The following CSNK1G1 variants were observed in gnomAD, a reference collection of about 807,000 sequenced individuals.
CSNK1G1 encodes the protein casein kinase I isoform gamma-1.
In CSNK1G1, 22 loss-of-function variants were observed where a neutral mutation model predicts 59.6. The ratio of observed to expected loss-of-function variants is 0.37; its 90% CI spans 0.26 to 0.53. The LOEUF is 0.53. Ranked by LOEUF, CSNK1G1 falls within the 20% of genes least tolerant of loss-of-function variation. The pLI, the probability that CSNK1G1 is intolerant of heterozygous loss-of-function variation, is 0.89. For synonymous variants in CSNK1G1, 179 were observed against 177.1 expected (o/e 1.01, Z -0.08); for missense variants, 384 against 519.5 (o/e 0.74, Z 2.54).
intron 2 of CSNK1G1, among the ~76,000 whole-genome samples, chr15:64,278,286 A>G (rs1362382335): frequency 6.6e-6 from 1 of 151,164 alleles, no homozygotes; most frequent in African/African-American, 2.4e-5. Flanking sequence ...ACCTCAGGTA[A>G]TCCACCCGCC....
intron 1 of CSNK1G1, among the ~76,000 whole-genome samples, chr15:64,338,944 G>A (rs1042091926): frequency 4.0e-5 from 6 of 151,792 alleles, no homozygotes; most frequent in African/African-American, 1.5e-4. Context: ...TTGGACCCAG[G>A]AGGTGGAGAT....
chr15:64,304,547 T>C (rs1189601744), intron 1 of CSNK1G1, among the ~76,000 whole-genome samples: 1 of 152,192 alleles, frequency 6.6e-6, no homozygotes, highest in Non-Finnish European at 1.5e-5. Context: ...ACTGCTCAAT[T>C]ACAAACTCTT....
intron 10 of CSNK1G1, among the ~76,000 whole-genome samples, chr15:64,183,719 A>G (rs1056547725): frequency 6.6e-6 from 1 of 152,014 alleles, no homozygotes; most frequent in African/African-American, 2.4e-5. Context: ...ATTTTAAACA[A>G]TATTATCTTT....
rs1234540541 is a variant in CSNK1G1, at chr15:64,350,573, T to C, written c.-225+5415A>G. 3.9e-5 allele frequency among the ~76,000 whole-genome samples: 6 copies of C among 152,144 alleles called. No homozygotes were observed. In the East Asian group the frequency reaches 5.8e-4, roughly 15 times the overall value. On this transcript the variant is annotated intron_variant, in intron 1 of 11. Coordinates refer to ENST00000303052, the MANE Select transcript of CSNK1G1 (RefSeq NM_022048.5). ...TGCATGAAGTTACCATTCATATAGT[T>C]TGAAATAACAATTAACTTTAAACAG...
At position 64,204,784 on chromosome 15, in the gene CSNK1G1, C is replaced by T. The variant is rs1596089797; in HGVS notation, c.850+81G>A. On this transcript the variant is annotated intron_variant, in intron 8 of 11. Coordinates refer to ENST00000303052, the MANE Select transcript of CSNK1G1 (RefSeq NM_022048.5). ...GGAAATGTTAATTACCTAAACAGCA[C>T]CCCTATCTAGAGATACCCAGTCATG... is the stretch of plus-strand genomic sequence containing the variant. 4 of 1,125,276 alleles carry T rather than the reference C, an allele frequency of 3.6e-6. No homozygotes were observed. In the East Asian group the frequency reaches 9.4e-5, roughly 26 times the overall value. The allele number at this position is 1,125,276 out of a possible 1,614,324, so 69.7% of individuals were successfully genotyped here.
chr15:64,350,692 C>T (rs1192336692), intron 1 of CSNK1G1, among the ~76,000 whole-genome samples: 1 of 152,148 alleles, frequency 6.6e-6, no homozygotes, highest in African/African-American at 2.4e-5. Flanking sequence ...CCTAAATCTA[C>T]TGAGGATTTT....
chr15:64,249,311 G>GGGT (rs1341963752), intron 4 of CSNK1G1, among the ~76,000 whole-genome samples: 3 of 152,080 alleles, frequency 2.0e-5, no homozygotes, highest in Non-Finnish European at 4.4e-5. Flanking sequence ...TAGCGGGTAG[G>GGGT]GGTAGCAAGG....
chr15:64,173,109 CTA>C (rs1185616338), intron 11 of CSNK1G1, among the ~76,000 whole-genome samples: 5 of 152,188 alleles, frequency 3.3e-5, no homozygotes, highest in Non-Finnish European at 5.9e-5. Context: ...TCTGAAAAAA[CTA>C]TCTTTGAGTC....
chr15:64,262,345 G>T (rs1892738852), intron 2 of CSNK1G1, among the ~76,000 whole-genome samples: 1 of 152,232 alleles, frequency 6.6e-6, no homozygotes, highest in African/African-American at 2.4e-5. Flanking sequence ...GGAGGGTAGT[G>T]AATTTGGGCA....
At chr15:64,322,352 T>C (rs1326473139) in intron 1 of CSNK1G1, among the ~76,000 whole-genome samples, 2 of 149,038 alleles carry the variant, frequency 1.3e-5, no homozygotes, top group African/African-American at 4.9e-5. Context: ...TTTCTCTCTC[T>C]TTTTTTTTTA....
At chr15:64,208,036 G>T (rs965689855) in intron 6 of CSNK1G1, among the ~76,000 whole-genome samples, 1 of 152,162 alleles carries the variant, frequency 6.6e-6, no homozygotes, top group African/African-American at 2.4e-5. Flanking sequence ...AAAGATACAA[G>T]CTGCAAAATG....
intron 1 of CSNK1G1, among the ~76,000 whole-genome samples, chr15:64,340,011 T>A (rs1432260131): frequency 2.0e-5 from 3 of 152,260 alleles, no homozygotes; most frequent in South Asian, 4.1e-4. Context: ...TCTATCATTA[T>A]TTCTTTTGTA....
chr15:64,291,859 A>C (rs1324528344), intron 2 of CSNK1G1, among the ~76,000 whole-genome samples: 1 of 152,170 alleles, frequency 6.6e-6, no homozygotes, highest in Non-Finnish European at 1.5e-5. Flanking sequence ...TAAATTGTTA[A>C]TAATTACAAC....
chr15:64,222,341 A>T (rs1329845670), intron 4 of CSNK1G1, among the ~76,000 whole-genome samples: 1 of 151,236 alleles, frequency 6.6e-6, no homozygotes, highest in Non-Finnish European at 1.5e-5. Context: ...CCACCATGGC[A>T]CACATGTACC....
chr15:64,270,673 T>C (rs1258852476), intron 2 of CSNK1G1, among the ~76,000 whole-genome samples: 1 of 150,160 alleles, frequency 6.7e-6, no homozygotes, highest in Non-Finnish European at 1.5e-5. Flanking sequence ...GGCAGGAACA[T>C]GGCGTGAACC....
intron 1 of CSNK1G1, among the ~76,000 whole-genome samples, chr15:64,310,438 G>T (rs1331549480): frequency 6.6e-6 from 1 of 151,594 alleles, no homozygotes; most frequent in East Asian, 1.9e-4. Context: ...AGTTTAGCCT[G>T]GGCACGGTGG....
chr15:64,345,000 T>C (rs1897875386), intron 1 of CSNK1G1, among the ~76,000 whole-genome samples: 2 of 152,196 alleles, frequency 1.3e-5, no homozygotes, highest in South Asian at 2.1e-4. Flanking sequence ...CAGTTCCTAG[T>C]TGACTTATTT....
chr15:64,268,903 A>G (rs979039179), intron 2 of CSNK1G1, among the ~76,000 whole-genome samples: 2 of 152,186 alleles, frequency 1.3e-5, no homozygotes, highest in Non-Finnish European at 2.9e-5. Flanking sequence ...AATCATACAT[A>G]TGCAAGACAA....
intron 4 of CSNK1G1, among the ~76,000 whole-genome samples, chr15:64,225,515 T>C (rs1266833013): frequency 2.0e-5 from 3 of 152,194 alleles, no homozygotes; most frequent in Non-Finnish European, 4.4e-5. Flanking sequence ...ATCTTGATTC[T>C]GACTGGTCCT....
Sources: allele counts gnomAD v4.1 joint callset (sites outside exome capture counted in the v4.1 genomes callset), GRCh38; gene constraint gnomAD v4.1.1; transcripts MANE v1.5; gene names NCBI Gene and HGNC (gene_info 2026-07-23, HGNC 2026-07-21).